The following RALGAPA1 variants were observed in gnomAD, a reference collection of about 807,000 sequenced individuals.
RALGAPA1 encodes Ral GTPase activating protein catalytic subunit alpha 1, also known as ral GTPase-activating protein subunit alpha-1.
In RALGAPA1, 52 loss-of-function variants were observed where a neutral mutation model predicts 269.6. That is an observed-to-expected ratio of 0.19 (90% CI 0.15 to 0.24). RALGAPA1 has a LOEUF of 0.24. RALGAPA1 is among the 10% of genes least tolerant of loss of function. The pLI, the probability that RALGAPA1 is intolerant of heterozygous loss-of-function variation, is 1.00. For synonymous variants in RALGAPA1, 817 were observed against 1,008.3 expected (o/e 0.81, Z 3.60); for missense variants, 1,917 against 3,013.9 (o/e 0.64, Z 8.52).
chr14:35,655,169 C>T (rs2063098790), intron 29 of RALGAPA1, among the ~76,000 whole-genome samples: 1 of 151,944 alleles, frequency 6.6e-6, no homozygotes, highest in African/African-American at 2.4e-5. Context: ...TAGCAATGTG[C>T]CTCATAGTAA....
chr14:35,774,105 G>A (rs903064575), intron 3 of RALGAPA1, among the ~76,000 whole-genome samples: 56 of 152,128 alleles, frequency 3.7e-4, no homozygotes, highest in African/African-American at 1.3e-3. Flanking sequence ...TTTTAATAGA[G>A]ACTAGGTCTT....
rs149410116 is a variant in RALGAPA1, at chr14:35,595,700, T to C, written c.7143A>G (p.Thr2381=). The C allele has an allele frequency of 8.5e-5, 136 of 1,606,406 alleles. No individual in the cohort carries two copies. In the African/African-American group the frequency reaches 1.5e-3, roughly 18 times the overall value. ...TTGACACGTGAAATATTACCTCTAC[T>C]GTAGAGGTAGCAAAATATGGAGTGG... ...GLTTPYFATS[T]VEVIFHVSTR... Residue 2381 remains threonine, a synonymous_variant, in exon 37 of 42, where the codon ACA becomes ACG. Transcript: ENST00000680220.
At chr14:35,552,863 G>A (rs1339038796) in intron 39 of RALGAPA1, among the ~76,000 whole-genome samples, 1 of 152,018 alleles carries the variant, frequency 6.6e-6, no homozygotes, top group Non-Finnish European at 1.5e-5. Flanking sequence ...TGTCTATAGC[G>A]TAAAGAAACA....
At chr14:35,676,446 A>T (rs2064957029) in intron 22 of RALGAPA1, 1 of 152,258 alleles carries the variant, frequency 6.6e-6, no homozygotes, top group Non-Finnish European at 1.5e-5. Context: ...TCCTGACCTC[A>T]GGTGATCCAC....
chr14:35,561,300 A>G (rs971254762), intron 39 of RALGAPA1, among the ~76,000 whole-genome samples: 1 of 151,248 alleles, frequency 6.6e-6, no homozygotes, highest in Admixed American at 6.6e-5. Flanking sequence ...TGAAAAGAAT[A>G]GCTAAATAAA....
intron 41 of RALGAPA1, among the ~76,000 whole-genome samples, chr14:35,546,069 T>C (rs2054427778): frequency 6.6e-6 from 1 of 152,154 alleles, no homozygotes; most frequent in African/African-American, 2.4e-5. Context: ...CAACAAAGTG[T>C]GACATCACGA....
chr14:35,598,217 G>A (rs2059039234), intron 36 of RALGAPA1, among the ~76,000 whole-genome samples: 1 of 151,870 alleles, frequency 6.6e-6, no homozygotes, highest in Admixed American at 6.6e-5. Flanking sequence ...CATGTATTTA[G>A]CATTGCTATG....
chr14:35,683,799 A>G lies in RALGAPA1; in HGVS notation c.4471+10T>C, dbSNP rs371472750. The G allele has an allele frequency of 3.8e-6, 6 of 1,572,820 alleles. No individual in the cohort carries two copies. The African/African-American group carries it at 8.1e-5, about 21-fold the overall frequency. Reference sequence around the variant, plus strand: ...ACATTTAAGAAACACATTCCCATGAATAACTTTACCAGTAATAGTTGCAAC... The same window carrying G: ...ACATTTAAGAAACACATTCCCATGAGTAACTTTACCAGTAATAGTTGCAAC... On this transcript the variant is annotated intron_variant, in intron 21 of 41. Transcript: ENST00000680220.
At chr14:35,573,079 G>A (rs538698465) in intron 37 of RALGAPA1, among the ~76,000 whole-genome samples, 1 of 152,268 alleles carries the variant, frequency 6.6e-6, no homozygotes, top group African/African-American at 2.4e-5. Context: ...AGTTGAGTAA[G>A]AGAAAGTTGA....
chr14:35,605,532 A>T, intron 36 of RALGAPA1, 54 bp downstream of exon 36: 1 of 1,506,352 alleles, frequency 6.6e-7, no homozygotes, highest in Non-Finnish European at 8.9e-7. Flanking sequence ...AAAAAAAAGA[A>T]AAATAAGCTT....
chr14:35,682,480 G>T (rs2065537891), intron 21 of RALGAPA1, among the ~76,000 whole-genome samples: 1 of 151,880 alleles, frequency 6.6e-6, no homozygotes, highest in Non-Finnish European at 1.5e-5. Flanking sequence ...TTTGTTTTTT[G>T]TATTTTTAGT....
At chr14:35,590,052 A>C (rs1346542926) in intron 37 of RALGAPA1, among the ~76,000 whole-genome samples, 1 of 152,176 alleles carries the variant, frequency 6.6e-6, no homozygotes, top group Non-Finnish European at 1.5e-5. Flanking sequence ...ATTTATTTTC[A>C]TAGAGATTTA....
Position 35,684,113 on chromosome 14 carries a change from G to C in RALGAPA1, c.4295-128C>G, listed in dbSNP as rs1261390351. The C allele has an allele frequency of 6.0e-6, 4 of 663,360 alleles. No homozygotes were observed. In the African/African-American group the frequency reaches 7.3e-5, roughly 12 times the overall value. The allele number at this position is 663,360 out of a possible 1,614,324, so 41.1% of individuals were successfully genotyped here. The stretch of plus-strand genomic sequence containing the variant: ...ATCTATTCTGTTTACATATCACTCA[G>C]ACAAGTGTAAATAATCTTAATACTC... On this transcript the variant is annotated intron_variant, in intron 20 of 41. Transcript: ENST00000680220.
intron 38 of RALGAPA1, among the ~76,000 whole-genome samples, chr14:35,571,410 G>A (rs546081701): frequency 2.6e-5 from 4 of 151,520 alleles, no homozygotes; most frequent in East Asian, 1.9e-4. Flanking sequence ...AAGGCTGGGC[G>A]TGGTGGCTCA....
chr14:35,707,780 T>C lies in RALGAPA1; in HGVS notation c.2267-7478A>G, dbSNP rs192299066. ...TTATTGATTCAATTTCATTAATACATACCAGGCTGTTCAGATTATCTAGTT... is the reference window on the plus strand; with the variant it reads ...TTATTGATTCAATTTCATTAATACACACCAGGCTGTTCAGATTATCTAGTT... On this transcript the variant is annotated intron_variant, in intron 16 of 41. Coordinates refer to ENST00000680220, the MANE Select transcript of RALGAPA1 (RefSeq NM_001346249.2). 2.7e-3 allele frequency among the ~76,000 whole-genome samples: 404 copies of C among 152,330 alleles called. 12 individuals carry two copies. Among genetic ancestry groups the C allele is most frequent in the Non-Finnish European group, 7.6e-4 (52 of 68,016 alleles).
intron 10 of RALGAPA1, among the ~76,000 whole-genome samples, chr14:35,744,928 TA>T (rs1289693558): frequency 6.6e-6 from 1 of 152,324 alleles, no homozygotes; most frequent in Non-Finnish European, 1.5e-5. Flanking sequence ...GCTGTCAATC[TA>T]AAACACTGAA....
intron 8 of RALGAPA1, 136 bp from the exon 9 acceptor site, chr14:35,750,826 A>G: frequency 2.7e-6 from 2 of 740,090 alleles, no homozygotes; most frequent in South Asian, 2.0e-5. Context: ...CAGAAATGAC[A>G]TTTCAAAATT....
intron 37 of RALGAPA1, among the ~76,000 whole-genome samples, chr14:35,591,958 T>G (rs2058666147): frequency 6.6e-6 from 1 of 152,180 alleles, no homozygotes; most frequent in South Asian, 2.1e-4. Context: ...CCTGCAGCCA[T>G]GTAAGATGTA....
chr14:35,653,030 C>T (rs573995009), intron 30 of RALGAPA1, among the ~76,000 whole-genome samples: 21 of 152,184 alleles, frequency 1.4e-4, no homozygotes, highest in Admixed American at 5.2e-4. Context: ...CTCACTAGTG[C>T]GATACTTACT....
Sources: gnomAD v4.1 joint callset for allele counts (sites outside exome capture counted in the v4.1 genomes callset) on GRCh38, gnomAD v4.1.1 for gene constraint, MANE v1.5 for transcripts, NCBI Gene and HGNC (gene_info 2026-07-23, HGNC 2026-07-21) for gene names.